Variants in CTNNA3 observed in about 807,000 individuals in gnomAD.
The protein encoded by CTNNA3 is catenin alpha-3.
A neutral mutation model predicts 95.7 loss-of-function variants in CTNNA3; 76 were observed. That is an observed-to-expected ratio of 0.79 (90% confidence interval 0.66 to 0.96). The LOEUF is 0.96. Ranked by LOEUF, CTNNA3 falls within the 40% of genes least tolerant of loss-of-function variation. The probability of loss-of-function intolerance (pLI) is 0.00; values close to 1 mark genes in which losing one functional copy is unlikely to be tolerated. For synonymous variants in CTNNA3, 431 were observed against 374.4 expected (o/e 1.15, Z -1.74); for missense variants, 1,191 against 1,089.8 (o/e 1.09, Z -1.31).
intron 5 of CTNNA3, among the ~76,000 whole-genome samples, chr10:67,321,109 CT>C: frequency 6.6e-6 from 1 of 152,284 alleles, no homozygotes; most frequent in South Asian, 2.1e-4. Flanking sequence ...ACTAACTGCA[CT>C]TAACATATGA....
At chr10:67,715,461 A>C (rs1269971863) in intron 1 of CTNNA3, among the ~76,000 whole-genome samples, 2 of 152,190 alleles carry the variant, frequency 1.3e-5, no homozygotes, top group Non-Finnish European at 2.9e-5. Flanking sequence ...CCTTGAGAGC[A>C]GCTAATCAAA....
intron 9 of CTNNA3, among the ~76,000 whole-genome samples, chr10:66,632,494 G>T (rs1283245144): frequency 1.4e-5 from 2 of 145,162 alleles, no homozygotes; most frequent in East Asian, 4.1e-4. Context: ...GGCAGAGGTT[G>T]AAGTGAGCCG....
chr10:66,710,636 T>C (rs1257855254), intron 9 of CTNNA3, among the ~76,000 whole-genome samples: 1 of 151,946 alleles, frequency 6.6e-6, no homozygotes, highest in Non-Finnish European at 1.5e-5. Context: ...AAAATTAATA[T>C]GTGGCTCCTA....
intron 1 of CTNNA3, among the ~76,000 whole-genome samples, chr10:67,733,947 G>C (rs1440326357): frequency 6.6e-6 from 1 of 152,134 alleles, no homozygotes; most frequent in African/African-American, 2.4e-5. Context: ...GAGCCCTTTA[G>C]AGGGAGACAA....
At chr10:67,558,994 C>A (rs191605723) in intron 3 of CTNNA3, among the ~76,000 whole-genome samples, 3,134 of 152,306 alleles carry the variant, frequency 0.021, 134 homozygotes, top group African/African-American at 0.071. Context: ...GAAGCTCGAA[C>A]TGGGTGGAGC....
intron 7 of CTNNA3, among the ~76,000 whole-genome samples, chr10:66,800,916 G>GT (rs1841404185): frequency 6.6e-6 from 1 of 151,090 alleles, no homozygotes; most frequent in South Asian, 2.1e-4. Flanking sequence ...AAAAGATATC[G>GT]TAAGTCTTAT....
At chr10:66,152,345 A>G (rs2133908411) in intron 13 of CTNNA3, among the ~76,000 whole-genome samples, 1 of 152,098 alleles carries the variant, frequency 6.6e-6, no homozygotes, top group Admixed American at 6.6e-5. Flanking sequence ...ATGATATACT[A>G]TGATGGAAGT....
intron 11 of CTNNA3, among the ~76,000 whole-genome samples, chr10:66,428,913 C>A (rs1589236306): frequency 6.6e-6 from 1 of 151,824 alleles, no homozygotes; most frequent in African/African-American, 2.4e-5. Context: ...CAGAGCAGAA[C>A]TGAAGGAGAT....
chr10:66,560,327 T>C (rs1046900787), intron 10 of CTNNA3, among the ~76,000 whole-genome samples: 1 of 151,748 alleles, frequency 6.6e-6, no homozygotes, highest in African/African-American at 2.4e-5. Flanking sequence ...AACAGTAACC[T>C]ACCTCATGGC....
At chr10:67,130,627 T>C (rs928889112) in intron 7 of CTNNA3, among the ~76,000 whole-genome samples, 1 of 152,184 alleles carries the variant, frequency 6.6e-6, no homozygotes, top group East Asian at 1.9e-4. Flanking sequence ...AAGAGATCTT[T>C]TCAATACATT....
At chr10:66,036,926 G>T (rs2079576609) in intron 15 of CTNNA3, among the ~76,000 whole-genome samples, 1 of 132,786 alleles carries the variant, frequency 7.5e-6, no homozygotes, top group Admixed American at 8.8e-5. Flanking sequence ...AGGCTGGAGT[G>T]CAGTGGCGCG....
chr10:67,102,274 C>G (rs548073409), intron 7 of CTNNA3, among the ~76,000 whole-genome samples: 10 of 151,820 alleles, frequency 6.6e-5, no homozygotes, highest in African/African-American at 1.9e-4. Context: ...GGTACCTGGA[C>G]AATCAACAAT....
At chr10:66,524,972 C>A (rs1841200368) in intron 10 of CTNNA3, among the ~76,000 whole-genome samples, 1 of 151,950 alleles carries the variant, frequency 6.6e-6, no homozygotes, top group Admixed American at 6.6e-5. Flanking sequence ...TTGCTTGAAC[C>A]AGGGAAGCGG....
chr10:67,395,954 A>G (rs1421402132), intron 5 of CTNNA3, among the ~76,000 whole-genome samples: 2 of 152,184 alleles, frequency 1.3e-5, no homozygotes, highest in Non-Finnish European at 2.9e-5. Flanking sequence ...CTGCCTATCT[A>G]TGTATATTTT....
intron 17 of CTNNA3, among the ~76,000 whole-genome samples, chr10:65,921,664 T>G (rs1178766242): frequency 6.6e-6 from 1 of 152,322 alleles, no homozygotes; most frequent in Admixed American, 6.5e-5. Context: ...AGCTTCCCAA[T>G]CACAGGGCAG....
At chr10:65,947,782 T>C (rs951260690) in intron 17 of CTNNA3, among the ~76,000 whole-genome samples, 2 of 152,236 alleles carry the variant, frequency 1.3e-5, no homozygotes, top group African/African-American at 4.8e-5. Context: ...TTCAGTGTTA[T>C]TGACTGAAAC....
intron 13 of CTNNA3, among the ~76,000 whole-genome samples, chr10:66,173,868 C>T (rs958874564): frequency 3.3e-5 from 5 of 152,092 alleles, no homozygotes; most frequent in Admixed American, 3.3e-4. Flanking sequence ...GTTCCAGGTA[C>T]TCTTATAAGC....
At chr10:67,223,838 C>A (rs1589046233) in intron 5 of CTNNA3, among the ~76,000 whole-genome samples, 1 of 152,242 alleles carries the variant, frequency 6.6e-6, no homozygotes, top group East Asian at 1.9e-4. Flanking sequence ...CAAATAAACA[C>A]ATTTACATGG....
intron 9 of CTNNA3, among the ~76,000 whole-genome samples, chr10:66,737,324 C>T (rs955306785): frequency 2.0e-5 from 3 of 151,934 alleles, no homozygotes; most frequent in Admixed American, 6.6e-5. Flanking sequence ...CAAAATATTC[C>T]GTGGCCAGTG....
Sources: allele counts gnomAD v4.1 joint callset (sites outside exome capture counted in the v4.1 genomes callset), GRCh38; gene constraint gnomAD v4.1.1; transcripts MANE v1.5; gene names NCBI Gene and HGNC (gene_info 2026-07-23, HGNC 2026-07-21).